The following N4BP1 variants were observed in gnomAD, a reference collection of about 807,000 sequenced individuals.
N4BP1 encodes the protein NEDD4-binding protein 1.
A neutral mutation model predicts 70.9 loss-of-function variants in N4BP1; 21 were observed. The ratio of observed to expected loss-of-function variants is 0.30; its 90% CI spans 0.21 to 0.43. The LOEUF (loss-of-function observed/expected upper bound fraction) is 0.43. N4BP1 is among the 20% of genes least tolerant of loss of function. The probability of loss-of-function intolerance (pLI) is 1.00; values close to 1 mark genes in which losing one functional copy is unlikely to be tolerated. For synonymous variants in N4BP1, 387 were observed against 394.6 expected, an observed-to-expected ratio of 0.98 and a Z score of 0.23; for missense variants, 936 against 1,069.4, an observed-to-expected ratio of 0.88 and a Z score of 1.74.
intron 1 of N4BP1, among the ~76,000 whole-genome samples, chr16:48,605,991 A>G (rs963551523): frequency 1.3e-5 from 2 of 152,172 alleles, no homozygotes; most frequent in Admixed American, 1.3e-4. Context: ...TTCCTGTGTT[A>G]CAGAAACACC....
At chr16:48,588,928 A>T (rs1402117479) in intron 1 of N4BP1, among the ~76,000 whole-genome samples, 1 of 152,228 alleles carries the variant, frequency 6.6e-6, no homozygotes, top group East Asian at 1.9e-4. Flanking sequence ...TGTGGTCCAC[A>T]AAGTCTACAA....
chr16:48,554,164 GA>G (rs1230560634), intron 2 of N4BP1, among the ~76,000 whole-genome samples: 1 of 131,010 alleles, frequency 7.6e-6, no homozygotes, highest in Non-Finnish European at 1.6e-5. Flanking sequence ...AGAAAGCAGG[GA>G]AAAAAGGTAA....
chr16:48,547,178 T>C (rs561879187), intron 5 of N4BP1, among the ~76,000 whole-genome samples: 18 of 152,260 alleles, frequency 1.2e-4, no homozygotes, highest in Non-Finnish European at 2.4e-4. Flanking sequence ...CAGGGATAAA[T>C]ATCTAGTTAT....
chr16:48,561,451 A>G lies in N4BP1; in HGVS notation c.1192T>C (p.Ser398Pro). ...NKRFQEDREF[S>P]AGTVYPETNK... ...GTCTCTGGATACACTGTACCAGCTG[A>G]AAATTCTCTGTCTTCTTGGAATCTT... is the stretch of plus-strand genomic sequence containing the variant. The change falls in exon 2 of 7, where the codon TCA (serine) becomes CCA (proline). Residue 398 changes from serine to proline, a missense_variant. Ser to Pro is a moderately conservative substitution (Grantham distance 74, BLOSUM62 -1). Coordinates refer to ENST00000262384, the MANE Select transcript of N4BP1 (RefSeq NM_153029.4). The G allele has an allele frequency of 6.2e-7, 1 of 1,612,060 alleles. No homozygotes were observed. The highest frequency in any genetic ancestry group is 1.3e-5 in the African/African-American group (1 of 74,796).
At chr16:48,587,517 T>C (rs969299005) in intron 1 of N4BP1, 2 of 152,206 alleles carry the variant, frequency 1.3e-5, no homozygotes, top group African/African-American at 4.8e-5. Flanking sequence ...CTTTTACAAA[T>C]GGAAAGAAAA....
In N4BP1 at chr16:48,562,568, G is replaced by T; in HGVS notation, c.199-124C>A. 5 of 780,796 alleles carry T rather than the reference G, an allele frequency of 6.4e-6. No homozygotes were observed. The East Asian group carries it at 8.5e-5, about 13-fold the overall frequency. The allele number at this position is 780,796 out of a possible 1,614,324, so 48.4% of individuals were successfully genotyped here. On this transcript the variant is annotated intron_variant, in intron 1 of 6. Transcript: ENST00000262384. ...AAATCACAAGCATGTTTGTAATTTTGAACAAAATGTCATGTTTTAAATAAA... is the reference window on the plus strand; with the variant it reads ...AAATCACAAGCATGTTTGTAATTTTTAACAAAATGTCATGTTTTAAATAAA...
intron 1 of N4BP1, among the ~76,000 whole-genome samples, chr16:48,607,919 A>G (rs1303626335): frequency 6.6e-6 from 1 of 152,172 alleles, no homozygotes; most frequent in Non-Finnish European, 1.5e-5. Context: ...GCTGGAGTGC[A>G]GTGGCGCGAT....
At position 48,596,690 on chromosome 16, in the gene N4BP1, T is replaced by C. The variant is rs976145406; in HGVS notation, c.198+13085A>G. On this transcript the variant is annotated intron_variant, in intron 1 of 6. Transcript: ENST00000262384. The stretch of plus-strand genomic sequence containing the variant: ...TCCTGGAAGTAGGCTGGAACTAACC[T>C]TGGCAAGGAATTCAGTTTATGGTTT... Among the ~76,000 whole-genome samples the C allele has an allele frequency of 2.0e-5, 3 of 152,324 alleles. No individual in the cohort carries two copies. The East Asian group carries it at 5.8e-4, about 29-fold the overall frequency.
intron 1 of N4BP1, among the ~76,000 whole-genome samples, chr16:48,592,011 G>A (rs1323301434): frequency 6.6e-6 from 1 of 151,878 alleles, no homozygotes; most frequent in African/African-American, 2.4e-5. Context: ...AACAGTTACA[G>A]AGGGATACTT....
intron 2 of N4BP1, among the ~76,000 whole-genome samples, chr16:48,560,198 G>T (rs1157784225): frequency 6.6e-6 from 1 of 152,174 alleles, no homozygotes; most frequent in African/African-American, 2.4e-5. Context: ...TTCATTAAAT[G>T]ATGTCTTTTA....
intron 1 of N4BP1, among the ~76,000 whole-genome samples, chr16:48,566,485 G>T (rs992559577): frequency 1.3e-5 from 2 of 152,160 alleles, no homozygotes; most frequent in African/African-American, 4.8e-5. Flanking sequence ...CGTAAATTTA[G>T]AAGTGTTACT....
intron 1 of N4BP1, among the ~76,000 whole-genome samples, chr16:48,563,434 T>C (rs1196433092): frequency 6.6e-6 from 1 of 150,584 alleles, no homozygotes; most frequent in Admixed American, 6.6e-5. Context: ...TGAGATGGAG[T>C]TTTGTTCTAG....
rs1963869218 is a variant in N4BP1 at position 48,562,100 on chromosome 16, G to C, written c.543C>G (p.Ser181=). ...YTMDLLILPT[S]LKKELLTLTQ... ...TGAGTGTCAAAAGTTCTTTTTTCAA[G>C]GAAGTGGGCAAAATCAACAAATCCA... Residue 181 remains serine, a synonymous_variant, in exon 2 of 7, where the codon TCC becomes TCG. Coordinates refer to ENST00000262384, the MANE Select transcript of N4BP1 (RefSeq NM_153029.4). 1.9e-6 allele frequency: 3 copies of C among 1,613,678 alleles called. No individual in the cohort carries two copies. Among genetic ancestry groups the C allele is most frequent in the Middle Eastern group, 1.7e-4 (1 of 6,060 alleles).
At chr16:48,593,452 G>A (rs1215155494) in intron 1 of N4BP1, among the ~76,000 whole-genome samples, 2 of 152,182 alleles carry the variant, frequency 1.3e-5, no homozygotes, top group African/African-American at 4.8e-5. Context: ...TGTGTTAAGT[G>A]AGGAAGGAAA....
intron 1 of N4BP1, among the ~76,000 whole-genome samples, chr16:48,585,844 C>A (rs1408000129): frequency 6.6e-6 from 1 of 152,116 alleles, no homozygotes; most frequent in African/African-American, 2.4e-5. Flanking sequence ...TACAGGCAGA[C>A]ACCACCATGC....
At chr16:48,591,556 T>A (rs887837218) in intron 1 of N4BP1, among the ~76,000 whole-genome samples, 1 of 151,632 alleles carries the variant, frequency 6.6e-6, no homozygotes, top group South Asian at 2.1e-4. Context: ...TAAAAAAAAA[T>A]TTAAAAAGAG....
At chr16:48,588,468 T>C (rs1296518129) in intron 1 of N4BP1, among the ~76,000 whole-genome samples, 2 of 152,090 alleles carry the variant, frequency 1.3e-5, no homozygotes, top group Non-Finnish European at 2.9e-5. Flanking sequence ...CTAATTTTTG[T>C]ATTTTTAGTA....
chr16:48,570,438 G>A (rs1199040288), intron 1 of N4BP1, among the ~76,000 whole-genome samples: 1 of 151,990 alleles, frequency 6.6e-6, no homozygotes, highest in Non-Finnish European at 1.5e-5. Context: ...CTCTGCCTCT[G>A]GGACTCAAGA....
rs117930163 is a variant in N4BP1, at chr16:48,599,691, G to A, written c.198+10084C>T. ...TAATCCATATTTTGTTTAGGGTAGC[G>A]ATGTGCCTAGGTAAAACTGAACATT... On this transcript the variant is annotated intron_variant, in intron 1 of 6. Coordinates refer to ENST00000262384, the MANE Select transcript of N4BP1 (RefSeq NM_153029.4). 2.6e-4 allele frequency among the ~76,000 whole-genome samples: 40 copies of A among 152,322 alleles called. No homozygotes were observed. In the East Asian group the frequency reaches 7.1e-3, roughly 27 times the overall value.
Sources: gnomAD v4.1 joint callset for allele counts (sites outside exome capture counted in the v4.1 genomes callset) on GRCh38, gnomAD v4.1.1 for gene constraint, MANE v1.5 for transcripts, NCBI Gene and HGNC (gene_info 2026-07-23, HGNC 2026-07-21) for gene names.